Variants in MEGF8 observed in about 807,000 individuals in gnomAD.
MEGF8 encodes the protein multiple epidermal growth factor-like domains protein 8.
In MEGF8, 156 loss-of-function variants were observed where a neutral mutation model predicts 302.9. That is an observed-to-expected ratio of 0.52 (90% CI 0.45 to 0.59). The LOEUF (loss-of-function observed/expected upper bound fraction) is 0.59. Ranked by LOEUF, MEGF8 falls within the 20% of genes least tolerant of loss-of-function variation. The pLI is 0.00. For missense variants in MEGF8, 3,345 were observed against 3,964.5 expected (o/e 0.84, Z 4.20); for synonymous variants, 1,621 against 1,660.5 (o/e 0.98, Z 0.58).
chr19:42,347,883 A>T (rs576460083), intron 12 of MEGF8, among the ~76,000 whole-genome samples: 1 of 152,166 alleles, frequency 6.6e-6, no homozygotes, highest in Non-Finnish European at 1.5e-5. Context: ...TTCTGCTATT[A>T]CAAAATCACA....
Position 42,357,024 on chromosome 19 carries a change from G to A in MEGF8, c.4830+43G>A. 6.6e-7 allele frequency: 1 copy of A among 1,515,604 alleles called. No homozygotes were observed. Among genetic ancestry groups the A allele is most frequent in the Non-Finnish European group, 8.9e-7 (1 of 1,125,392 alleles). The allele number at this position is 1,515,604 out of a possible 1,614,324, so 93.9% of individuals were successfully genotyped here. On this transcript the variant is annotated intron_variant, in intron 27 of 41. Coordinates refer to ENST00000251268, the MANE Select transcript of MEGF8 (RefSeq NM_001271938.2). This position sits in a 1 kb window ranked among gnomAD's most constrained non-coding sequence, Gnocchi z 5.2. ...GCCCACTCCCCAGCCCTCACACTGG[G>A]CCCTGACAGAGACAGCTGTGGTAGC...
At position 42,376,399 on chromosome 19, in the gene MEGF8, C is replaced by T. The variant is rs951286093; in HGVS notation, c.8162C>T (p.Pro2721Leu). 3.7e-6 allele frequency: 6 copies of T among 1,612,856 alleles called. No individual in the cohort carries two copies. Among genetic ancestry groups the T allele is most frequent in the Middle Eastern group, 1.6e-4 (1 of 6,062 alleles). ...TCCGCCTGGAAGCCGGCTGGGCTCC[C>T]ACCTCCCGCCTTCCGCCGCTCTGAG... ...PASAWKPAGL[P>L]PPAFRRSEPF... Residue 2721 changes from proline (P) to leucine (L), a missense_variant, in exon 42 of 42, where the codon CCA (proline) becomes CTA (leucine). Pro to Leu is a moderately conservative substitution (Grantham distance 98, BLOSUM62 -3). Transcript: ENST00000251268. This position sits in a 1 kb window ranked among gnomAD's most constrained non-coding sequence, Gnocchi z 8.2.
intron 12 of MEGF8, among the ~76,000 whole-genome samples, chr19:42,346,324 T>G (rs1600036908): frequency 6.7e-6 from 1 of 150,030 alleles, no homozygotes; most frequent in African/African-American, 2.5e-5. Context: ...GGCGGATCTC[T>G]TGAGGTCAGG....
At chr19:42,337,041 C>T (rs771509551) in intron 7 of MEGF8, 43 bp from the exon 8 acceptor site, 1 of 1,612,808 alleles carries the variant, frequency 6.2e-7, no homozygotes, top group Non-Finnish European at 8.5e-7. Context: ...GTCCCCCCAC[C>T]TCCCCTAGGC....
chr19:42,372,039 A>AAACAACAACAACAACAAC (rs59779006), intron 41 of MEGF8, among the ~76,000 whole-genome samples: 6 of 144,596 alleles, frequency 4.1e-5, no homozygotes, highest in African/African-American at 1.5e-4. Flanking sequence ...CTCTGTCTCA[A>AAACAACAACAACAACAAC]AACAACAACA....
At position 42,343,648 on chromosome 19, in the gene MEGF8, C is replaced by T. The variant is rs2039246003; in HGVS notation, c.1668+17C>T. 3.1e-6 allele frequency: 5 copies of T among 1,588,042 alleles called. No individual in the cohort carries two copies. The East Asian group carries it at 1.1e-4, about 36-fold the overall frequency. On this transcript the variant is annotated intron_variant, in intron 9 of 41. Transcript: ENST00000251268. ...GCCCCTGACGTGAGCACTGGGGTGA[C>T]AGGGAAAGGGTGGCTGGGGGGAGGA...
In MEGF8 at chr19:42,348,382, A is replaced by T; in HGVS notation, c.2208A>T (p.Gly736=). 6.5e-7 allele frequency: 1 copy of T among 1,537,300 alleles called. No individual in the cohort carries two copies. Among genetic ancestry groups the T allele is most frequent in the South Asian group, 1.2e-5 (1 of 84,058 alleles). ...IYPMLPGGPG[G]PGAEDVAVWT... The stretch of plus-strand genomic sequence containing the variant: ...CAATGCTGCCTGGAGGGCCAGGTGG[A>T]CCAGGGGCTGAGGACGTGGCCGTGT... Residue 736 remains glycine (G), a synonymous_variant, in exon 13 of 42, where the codon GGA becomes GGT. Coordinates refer to ENST00000251268, the MANE Select transcript of MEGF8 (RefSeq NM_001271938.2).
At position 42,352,850 on chromosome 19, in the gene MEGF8, G is replaced by A. The variant is rs573669701; in HGVS notation, c.3351-78G>A. ...CAGCCAGTGGCTTTGATGGTGTCAT[G>A]GTGGGTGGAGATGATGGGGTGCTTT... is the stretch of plus-strand genomic sequence containing the variant. On this transcript the variant is annotated intron_variant, in intron 19 of 41. Coordinates refer to ENST00000251268, the MANE Select transcript of MEGF8 (RefSeq NM_001271938.2). This position sits in a 1 kb window ranked among gnomAD's most constrained non-coding sequence, Gnocchi z 4.4. The A allele has an allele frequency of 7.4e-6, 8 of 1,078,798 alleles. No homozygotes were observed. Among genetic ancestry groups the A allele is most frequent in the Middle Eastern group, 2.7e-4 (1 of 3,698 alleles). 66.8% of individuals were successfully genotyped at this position (1,078,798 alleles called of 1,614,324 possible). A position where few individuals can be genotyped will look rare whatever the true frequency, so the allele number is the denominator to read the frequency against.
Position 42,350,197 on chromosome 19 carries a change from C to T in MEGF8, c.2549C>T (p.Ser850Phe), listed in dbSNP as rs921232961. 3.7e-6 allele frequency: 6 copies of T among 1,613,672 alleles called. No homozygotes were observed. The African/African-American group carries it at 5.3e-5, about 14-fold the overall frequency. ...LEPYRSSSCT[S>F]YSSCLGCLAD... ...CCCTACCGCTCGTCGTCCTGCACCT[C>T]CTATTCTTCCTGCCTGGGCTGCTTG... Residue 850 changes from serine (S) to phenylalanine (F), a missense_variant, in exon 15 of 42, where the codon TCC becomes TTC. By Grantham distance (155) the Ser-to-Phe change is radical. Transcript: ENST00000251268.
In MEGF8 at chr19:42,362,497, C is replaced by T; in HGVS notation, c.5958C>T (p.Phe1986=). 1 of 1,613,938 alleles carries T rather than the reference C, an allele frequency of 6.2e-7. No individual in the cohort carries two copies. The highest frequency in any genetic ancestry group is 1.1e-5 in the South Asian group (1 of 91,088). The change falls in exon 34 of 42, where the codon TTC becomes TTT. Residue 1986 remains phenylalanine (F), a synonymous_variant. Coordinates refer to ENST00000251268, the MANE Select transcript of MEGF8 (RefSeq NM_001271938.2). ...NDCRINQREV[F]WAGNCSEAAC... is the part of the protein sequence containing the mutation. ...GTCGGATCAACCAGCGAGAGGTCTT[C>T]TGGGCAGGGAACTGCTCCGAGGCTG...
Position 42,362,079 on chromosome 19 carries a change from A to C in MEGF8, c.5721-11A>C. Reference sequence around the variant, plus strand: ...GATGGGTGTGAGTGAGCCAGGCCTCATGTCCTTTAGGCTGGGCTGCGGGGG... The same window carrying C: ...GATGGGTGTGAGTGAGCCAGGCCTCCTGTCCTTTAGGCTGGGCTGCGGGGG... On this transcript the variant is annotated splice_polypyrimidine_tract_variant and intron_variant, in intron 32 of 41. Transcript: ENST00000251268. 1 of 1,611,652 alleles carries C rather than the reference A, an allele frequency of 6.2e-7. No homozygotes were observed. Among genetic ancestry groups the C allele is most frequent in the Middle Eastern group, 1.7e-4 (1 of 5,940 alleles).
At chr19:42,329,988 G>GCTC (rs1227086892) in intron 1 of MEGF8, among the ~76,000 whole-genome samples, 2 of 151,986 alleles carry the variant, frequency 1.3e-5, no homozygotes, top group Non-Finnish European at 2.9e-5. Flanking sequence ...TGTTGCCCAG[G>GCTC]CTGGAGTGCA....
Position 42,336,839 on chromosome 19 carries a change from T to C in MEGF8, c.1277T>C (p.Phe426Ser), listed in dbSNP as rs1180065982. ...GTGCGAGTGAACTCCACTGAGCTTT[T>C]CCACGTGGATCGGCATGTGTGGACG... The part of the protein sequence containing the change: ...FSVRVNSTEL[F>S]HVDRHVWTTL... Residue 426 changes from phenylalanine (F) to serine (S), a missense_variant, in exon 7 of 42, where the codon TTC becomes TCC. Coordinates refer to ENST00000251268, the MANE Select transcript of MEGF8 (RefSeq NM_001271938.2). The surrounding 1 kb of genome is among the most constrained non-coding windows in gnomAD (Gnocchi z 4.8). 3.1e-6 allele frequency: 5 copies of C among 1,608,340 alleles called. No individual in the cohort carries two copies. Among genetic ancestry groups the C allele is most frequent in the Non-Finnish European group, 4.2e-6 (5 of 1,177,050 alleles).
rs754128388 is a variant in MEGF8 at position 42,354,437 on chromosome 19, A to T, written c.4012-151A>T. The T allele has an allele frequency of 4.4e-5, 40 of 912,494 alleles. No individual in the cohort carries two copies. Among genetic ancestry groups the T allele is most frequent in the Non-Finnish European group, 5.7e-5 (34 of 596,562 alleles). 56.5% of individuals were successfully genotyped at this position (912,494 alleles called of 1,614,324 possible). On this transcript the variant is annotated intron_variant, in intron 22 of 41. Coordinates refer to ENST00000251268, the MANE Select transcript of MEGF8 (RefSeq NM_001271938.2). This position sits in a 1 kb window ranked among gnomAD's most constrained non-coding sequence, Gnocchi z 4.3. ...ACACAGGAAGGGGAGTGGTGGCCTT[A>T]TGCCATAGTTTGACAGTCTCCCCTG...
chr19:42,362,644 C>T (rs780221701), intron 34 of MEGF8, 47 bp downstream of exon 34: 2 of 1,564,338 alleles, frequency 1.3e-6, no homozygotes, highest in Non-Finnish European at 8.6e-7. Flanking sequence ...GGGGCCTGGA[C>T]TCCTGGGTCT....
chr19:42,347,692 A>G (rs1332134249), intron 12 of MEGF8, among the ~76,000 whole-genome samples: 2 of 151,856 alleles, frequency 1.3e-5, no homozygotes, highest in South Asian at 2.1e-4. Flanking sequence ...GGGTTTCACC[A>G]TGTTGGTCAG....
At position 42,369,789 on chromosome 19, in the gene MEGF8, G is replaced by C. The variant is rs950897825; in HGVS notation, c.6834+66G>C. The stretch of plus-strand genomic sequence containing the variant: ...AGGCCCTCACTTGCCTTCATCCCAC[G>C]CTCAGGCGGCTCGCATCTCATCCTG... On this transcript the variant is annotated intron_variant, in intron 38 of 41. Coordinates refer to ENST00000251268, the MANE Select transcript of MEGF8 (RefSeq NM_001271938.2). This position sits in a 1 kb window ranked among gnomAD's most constrained non-coding sequence, Gnocchi z 5.7. 6.8e-7 allele frequency: 1 copy of C among 1,474,032 alleles called. No individual in the cohort carries two copies. The highest frequency in any genetic ancestry group is 9.1e-7 in the Non-Finnish European group (1 of 1,098,826). The allele number at this position is 1,474,032 out of a possible 1,614,324, so 91.3% of individuals were successfully genotyped here. A position where few individuals can be genotyped will look rare whatever the true frequency, so the allele number is the denominator to read the frequency against.
chr19:42,344,071 G>A lies in MEGF8; in HGVS notation c.1786G>A (p.Ala596Thr), dbSNP rs1307725029. The A allele has an allele frequency of 5.0e-6, 8 of 1,613,038 alleles. No individual in the cohort carries two copies. The highest frequency in any genetic ancestry group is 3.3e-5 in the Admixed American group (2 of 59,962). Residue 596 changes from alanine to threonine, a missense_variant and splice_region_variant, in exon 10 of 42, where the codon GCT (alanine) becomes ACT (threonine). Physicochemically the swap from Ala to Thr is moderately conservative, Grantham distance 58. Coordinates refer to ENST00000251268, the MANE Select transcript of MEGF8 (RefSeq NM_001271938.2). The surrounding 1 kb of genome is among the most constrained non-coding windows in gnomAD (Gnocchi z 4.5). ...AAPPPGTPLG[A>T]CPAASCLGLG... ...ACCCCCTCCTGGGACCCCCTTGGGG[G>A]CTGTGAGTGACAGCCCTAGACCCTC...
At chr19:42,342,371 G>T (rs1422109001) in intron 8 of MEGF8, among the ~76,000 whole-genome samples, 1 of 152,212 alleles carries the variant, frequency 6.6e-6, no homozygotes, top group East Asian at 1.9e-4. Flanking sequence ...GGGCACGGTG[G>T]CTCATGCCTG....
Sources: gnomAD v4.1 joint callset for allele counts (sites outside exome capture counted in the v4.1 genomes callset) on GRCh38, gnomAD v4.1.1 for gene constraint, Gnocchi (gnomAD v3.1) non-coding constraint, MANE v1.5 for transcripts, NCBI Gene and HGNC (gene_info 2026-07-23, HGNC 2026-07-21) for gene names.